ZYG11A: variants seen among roughly 807,000 people sequenced by gnomAD.
ZYG11A encodes the protein zyg-11 family member A, cell cycle regulator.
A neutral mutation model predicts 77.2 loss-of-function variants in ZYG11A; 62 were observed. The ratio of observed to expected loss-of-function variants is 0.80; its 90% CI spans 0.65 to 0.99. The LOEUF is 0.99. Ranked by LOEUF, ZYG11A falls within the 50% of genes least tolerant of loss-of-function variation. The pLI, the probability that ZYG11A is intolerant of heterozygous loss-of-function variation, is 0.00. For missense variants in ZYG11A, 828 were observed against 896.8 expected (o/e 0.92, Z 0.98); for synonymous variants, 315 against 324.6 (o/e 0.97, Z 0.32).
intron 4 of ZYG11A, among the ~76,000 whole-genome samples, chr1:52,862,533 C>T (rs1016674785): frequency 6.6e-6 from 1 of 151,698 alleles, no homozygotes; most frequent in African/African-American, 2.4e-5. Flanking sequence ...AGGATGGTCT[C>T]GATTTCCTGA....
At chr1:52,871,651 G>A (rs1646168920) in intron 8 of ZYG11A, among the ~76,000 whole-genome samples, 2 of 151,868 alleles carry the variant, frequency 1.3e-5, no homozygotes, top group Non-Finnish European at 1.5e-5. Flanking sequence ...GATAATTTTT[G>A]TATTTTTAGT....
In ZYG11A at chr1:52,860,854, A is replaced by C; in HGVS notation, c.1132A>C (p.Met378Leu). ...FTETFSMEVT[M>L]PAILKLVAIG... ...AGAGACATTTTCAATGGAGGTAACC[A>C]TGCCTGCTATTTTAAAGGTAATTGA... Residue 378 changes from methionine (M) to leucine (L), a missense_variant, in exon 4 of 14, where the codon ATG (methionine) becomes CTG (leucine). Transcript: ENST00000371528. The C allele has an allele frequency of 6.4e-7, 1 of 1,550,846 alleles. No homozygotes were observed. The highest frequency in any genetic ancestry group is 8.7e-7 in the Non-Finnish European group (1 of 1,146,840).
rs145203521 is a variant in ZYG11A at position 52,884,747 on chromosome 1, T to G, written c.1945-1086T>G. Reference sequence around the variant, plus strand: ...GGCAGGGGATCTCAACATTTAGTATTTAGGTTTTAACTCCAGACACACCCC... The same window carrying G: ...GGCAGGGGATCTCAACATTTAGTATGTAGGTTTTAACTCCAGACACACCCC... On this transcript the variant is annotated intron_variant, in intron 11 of 13. Coordinates refer to ENST00000371528, the MANE Select transcript of ZYG11A (RefSeq NM_001004339.3). Among the ~76,000 whole-genome samples the G allele has an allele frequency of 2.8e-3, 425 of 152,236 alleles. 4 individuals carry two copies. The highest frequency in any genetic ancestry group is 9.9e-3 in the African/African-American group (410 of 41,540).
chr1:52,869,968 C>A (rs1207565926), intron 8 of ZYG11A, among the ~76,000 whole-genome samples: 1 of 148,974 alleles, frequency 6.7e-6, no homozygotes, highest in Non-Finnish European at 1.5e-5. Flanking sequence ...GGGCTGACCC[C>A]CCCCCACCCC....
intron 4 of ZYG11A, among the ~76,000 whole-genome samples, chr1:52,861,314 A>T (rs1308616867): frequency 6.6e-6 from 1 of 152,164 alleles, no homozygotes; most frequent in African/African-American, 2.4e-5. Flanking sequence ...AGAAAACTTC[A>T]GTTATTTATT....
At chr1:52,871,989 T>A (rs1331682489) in intron 8 of ZYG11A, among the ~76,000 whole-genome samples, 6 of 152,192 alleles carry the variant, frequency 3.9e-5, no homozygotes, top group African/African-American at 1.4e-4. Flanking sequence ...TGCTTATGAG[T>A]ATTTAATATC....
intron 1 of ZYG11A, among the ~76,000 whole-genome samples, chr1:52,852,420 G>A (rs1645731466): frequency 1.3e-5 from 2 of 149,036 alleles, no homozygotes; most frequent in African/African-American, 5.0e-5. Flanking sequence ...CTGGAGTGCA[G>A]TGATGCTATC....
chr1:52,881,360 A>G (rs1646358835), intron 10 of ZYG11A, 111 bp from the exon 11 acceptor site: 1 of 736,870 alleles, frequency 1.4e-6, no homozygotes, highest in South Asian at 2.1e-5. Context: ...GGGTATAAGA[A>G]TAAGAGTTCT....
rs564478772 is a variant in ZYG11A, at chr1:52,890,735, C to T, written c.2105-2047C>T. Among the ~76,000 whole-genome samples, 20 of 151,876 alleles carry T rather than the reference C, an allele frequency of 1.3e-4. 1 individual carries two copies. The highest frequency in any genetic ancestry group is 9.8e-4 in the Admixed American group (15 of 15,276). ...TCTCCCACTTCAGCCTCCTGAATAG[C>T]TGGGACTATGTAGCATCACACCCAG... On this transcript the variant is annotated intron_variant, in intron 13 of 13. Coordinates refer to ENST00000371528, the MANE Select transcript of ZYG11A (RefSeq NM_001004339.3).
chr1:52,864,898 A>T (rs917009906), intron 5 of ZYG11A, among the ~76,000 whole-genome samples: 66 of 149,914 alleles, frequency 4.4e-4, no homozygotes, highest in African/African-American at 1.6e-3. Context: ...TGATCTGCCC[A>T]CCTTGGTGTC....
rs1022584888 is a variant in ZYG11A at position 52,884,131 on chromosome 1, CGGCCTCCCAAAGTGCT to C, written c.1945-1699_1945-1684del. ...CTGACCTTAGGTCATCCACCCACCT[CGGCCTCCCAAAGTGCT>C]GGGATTACAGGAGTCAGGCACTGCA... is the stretch of plus-strand genomic sequence containing the variant. On this transcript the variant is annotated intron_variant, in intron 11 of 13. Coordinates refer to ENST00000371528, the MANE Select transcript of ZYG11A (RefSeq NM_001004339.3). 2.3e-4 allele frequency among the ~76,000 whole-genome samples: 35 copies of C among 152,080 alleles called. No individual in the cohort carries two copies. The South Asian group carries it at 4.4e-3, about 19-fold the overall frequency.
At chr1:52,862,579 T>A (rs746566265) in intron 4 of ZYG11A, among the ~76,000 whole-genome samples, 2 of 152,044 alleles carry the variant, frequency 1.3e-5, no homozygotes, top group Non-Finnish European at 2.9e-5. Flanking sequence ...CCCAAAGTGC[T>A]GGGATTACAG....
chr1:52,889,511 GGGCTT>G (rs1646505063), intron 13 of ZYG11A, among the ~76,000 whole-genome samples: 1 of 151,424 alleles, frequency 6.6e-6, no homozygotes, highest in Non-Finnish European at 1.5e-5. Context: ...GTGAACTCCT[GGGCTT>G]GAGTGATCCT....
intron 11 of ZYG11A, among the ~76,000 whole-genome samples, chr1:52,883,615 C>T (rs1411862326): frequency 6.6e-6 from 1 of 150,404 alleles, no homozygotes; most frequent in Non-Finnish European, 1.5e-5. Flanking sequence ...TTAGTAGTGA[C>T]AGGGTTTCAC....
In ZYG11A at chr1:52,857,534, G is replaced by T; in HGVS notation, c.793G>T (p.Asp265Tyr). ...LKCLLHLDISDHRQLKSDLAF... is the reference protein window; with the variant it reads ...LKCLLHLDISYHRQLKSDLAF... ...ATGTCTGCTTCACCTTGATATTTCT[G>T]ATCACAGGCAACTCAAATCAGACCT... The change falls in exon 3 of 14, where the codon GAT becomes TAT. Residue 265 changes from aspartate to tyrosine, a missense_variant. By Grantham distance (160) the Asp-to-Tyr change is radical (BLOSUM62 -3). Coordinates refer to ENST00000371528, the MANE Select transcript of ZYG11A (RefSeq NM_001004339.3). 2 of 1,552,024 alleles carry T rather than the reference G, an allele frequency of 1.3e-6. No individual in the cohort carries two copies. Among genetic ancestry groups the T allele is most frequent in the Non-Finnish European group, 1.7e-6 (2 of 1,147,054 alleles).
Position 52,881,526 on chromosome 1 carries a change from T to C in ZYG11A, c.1805T>C (p.Leu602Pro), listed in dbSNP as rs996309784. The change falls in exon 11 of 14, where the codon CTG becomes CCG. Residue 602 changes from leucine (L) to proline (P), a missense_variant. Physicochemically the swap from Leu to Pro is moderately conservative, Grantham distance 98. Coordinates refer to ENST00000371528, the MANE Select transcript of ZYG11A (RefSeq NM_001004339.3). ...TCCAAGCTGGTGACCGAAGATGTGC[T>C]GAAGCATATCAACAGTTTACTCTGT... The part of the protein sequence containing the change: ...LSSKLVTEDV[L>P]KHINSLLCSR... The C allele has an allele frequency of 6.4e-7, 1 of 1,551,826 alleles. No individual in the cohort carries two copies. The highest frequency in any genetic ancestry group is 8.7e-7 in the Non-Finnish European group (1 of 1,147,060).
intron 1 of ZYG11A, among the ~76,000 whole-genome samples, 192 bp downstream of exon 1, chr1:52,843,165 T>C (rs1025514663): frequency 6.6e-6 from 1 of 151,244 alleles, no homozygotes; most frequent in Non-Finnish European, 1.5e-5. Context: ...GGAGGCGGCC[T>C]GGGCGCCGCG....
intron 8 of ZYG11A, 131 bp from the exon 9 acceptor site, chr1:52,877,551 T>A: frequency 1.5e-6 from 1 of 656,302 alleles, no homozygotes; most frequent in Non-Finnish European, 2.5e-6. Flanking sequence ...AGAAAATAGA[T>A]CACACAGCTA....
chr1:52,892,464 G>C (rs1177519522), intron 13 of ZYG11A, among the ~76,000 whole-genome samples: 1 of 151,414 alleles, frequency 6.6e-6, no homozygotes, highest in Non-Finnish European at 1.5e-5. Flanking sequence ...GGAGGTGGAG[G>C]TTGCAGTGAA....
Sources: allele counts gnomAD v4.1 joint callset (sites outside exome capture counted in the v4.1 genomes callset), GRCh38; gene constraint gnomAD v4.1.1; transcripts MANE v1.5; gene names NCBI Gene and HGNC (gene_info 2026-07-23, HGNC 2026-07-21).